EHMT1: variants seen among roughly 807,000 people sequenced by gnomAD.
EHMT1 encodes the protein euchromatic histone lysine methyltransferase 1.
EHMT1 carries 15 observed loss-of-function variants against 147.2 expected under a neutral mutation model. The observed-to-expected ratio is 0.10, with a 90% CI of 0.07 to 0.16. The LOEUF (loss-of-function observed/expected upper bound fraction) is 0.16. EHMT1 is among the 10% of genes least tolerant of loss of function. The pLI, the probability that EHMT1 is intolerant of heterozygous loss-of-function variation, is 1.00. For synonymous variants in EHMT1, 795 were observed against 709.6 expected (o/e 1.12, Z -1.91); for missense variants, 1,587 against 1,772.4 (o/e 0.90, Z 1.88).
intron 1 of EHMT1, among the ~76,000 whole-genome samples, chr9:137,622,822 G>A (rs755274357): frequency 2.0e-5 from 3 of 151,092 alleles, no homozygotes; most frequent in African/African-American, 4.9e-5. Context: ...TGGGAGGATC[G>A]CTTGATCCCA....
intron 1 of EHMT1, among the ~76,000 whole-genome samples, chr9:137,649,044 G>A (rs534490315): frequency 2.0e-5 from 3 of 152,342 alleles, no homozygotes; most frequent in African/African-American, 7.2e-5. Context: ...CATCACTGGG[G>A]AAACTGGGCA....
chr9:137,645,031 C>T (rs1484907519), intron 1 of EHMT1, among the ~76,000 whole-genome samples: 2 of 152,080 alleles, frequency 1.3e-5, no homozygotes, highest in African/African-American at 2.4e-5. Flanking sequence ...TGTCACCACG[C>T]CCGGCTAATT....
At position 137,732,730 on chromosome 9, in the gene EHMT1, G is replaced by A. The variant is rs892417044; in HGVS notation, c.823+4201G>A. The stretch of plus-strand genomic sequence containing the variant: ...GGCTTGAAGGTCAGGTTTCACCGGG[G>A]ACCTGCTCCTATCTGCCTAGGAATT... On this transcript the variant is annotated intron_variant, in intron 4 of 26. Coordinates refer to ENST00000460843, the MANE Select transcript of EHMT1 (RefSeq NM_024757.5). The surrounding 1 kb of genome is among the most constrained non-coding windows in gnomAD (Gnocchi z 4.6). 1.3e-5 allele frequency among the ~76,000 whole-genome samples: 2 copies of A among 152,114 alleles called. No homozygotes were observed. Among genetic ancestry groups the A allele is most frequent in the Non-Finnish European group, 2.9e-5 (2 of 67,992 alleles).
chr9:137,802,966 G>C lies in EHMT1; in HGVS notation c.2712+1982G>C, dbSNP rs556013814. Reference sequence around the variant, plus strand: ...CTGTGGCGGGTACCTTGGAGGAAGAGAGGAGGGAAGCAAAGGCAGAGAACA... The same window carrying C: ...CTGTGGCGGGTACCTTGGAGGAAGACAGGAGGGAAGCAAAGGCAGAGAACA... On this transcript the variant is annotated intron_variant, in intron 18 of 26. Transcript: ENST00000460843. The C allele has an allele frequency of 1.4e-3, 1,723 of 1,232,466 alleles. 1 individual carries two copies. Among genetic ancestry groups the C allele is most frequent in the South Asian group, 2.0e-3 (48 of 24,324 alleles). 76.3% of individuals were successfully genotyped at this position (1,232,466 alleles called of 1,614,324 possible).
intron 18 of EHMT1, among the ~76,000 whole-genome samples, chr9:137,805,996 C>T (rs12336349): frequency 0.14 from 21,211 of 149,400 alleles, 4,942 homozygotes; most frequent in African/African-American, 0.49. Flanking sequence ...ACAGTCTCAC[C>T]CTGTCACCCA....
At chr9:137,662,721 G>A (rs1171446700) in intron 1 of EHMT1, among the ~76,000 whole-genome samples, 1 of 152,062 alleles carries the variant, frequency 6.6e-6, no homozygotes, top group South Asian at 2.1e-4. Flanking sequence ...GGCTGGTCTC[G>A]AACTCCTGAT....
At chr9:137,677,598 TC>T (rs1941490142) in intron 1 of EHMT1, among the ~76,000 whole-genome samples, 1 of 152,002 alleles carries the variant, frequency 6.6e-6, no homozygotes, top group Non-Finnish European at 1.5e-5. Flanking sequence ...GCTAAGTTTT[TC>T]TATTTTTAGT....
chr9:137,678,217 A>G (rs539232405), intron 1 of EHMT1, among the ~76,000 whole-genome samples: 3 of 152,076 alleles, frequency 2.0e-5, no homozygotes, highest in Admixed American at 2.0e-4. Context: ...ATTAGGGGCC[A>G]TTTTTGTTTC....
chr9:137,686,791 C>T (rs1181157415), intron 1 of EHMT1, among the ~76,000 whole-genome samples: 4 of 143,826 alleles, frequency 2.8e-5, no homozygotes, highest in South Asian at 2.2e-4. Context: ...AGTGCAGTGG[C>T]GTGATCTCGG....
At chr9:137,639,655 A>G (rs1844339646) in intron 1 of EHMT1, among the ~76,000 whole-genome samples, 1 of 152,128 alleles carries the variant, frequency 6.6e-6, no homozygotes, top group African/African-American at 2.4e-5. Flanking sequence ...ATTTTTGCAT[A>G]CTATATCTTT....
chr9:137,743,678 T>C (rs1180203371), intron 5 of EHMT1, 150 bp downstream of exon 5: 4 of 1,289,006 alleles, frequency 3.1e-6, no homozygotes, highest in Non-Finnish European at 4.4e-6. Flanking sequence ...AGTGTTCGTG[T>C]CCAAGATCAT....
chr9:137,686,659 G>A lies in EHMT1; in HGVS notation c.22-24308G>A, dbSNP rs149413432. Among the ~76,000 whole-genome samples, 551 of 151,770 alleles carry A rather than the reference G, an allele frequency of 3.6e-3. 3 individuals are homozygous for A. The highest frequency in any genetic ancestry group is 0.011 in the African/African-American group (473 of 41,344). ...GCCTCCAAGAGTGCTGGGATTAGAGGTGTGAGCCACTGTGCCCAGCTGAGT... is the reference window on the plus strand; with the variant it reads ...GCCTCCAAGAGTGCTGGGATTAGAGATGTGAGCCACTGTGCCCAGCTGAGT... On this transcript the variant is annotated intron_variant, in intron 1 of 26. Transcript: ENST00000460843.
intron 1 of EHMT1, among the ~76,000 whole-genome samples, chr9:137,681,631 G>C (rs1195710172): frequency 6.6e-6 from 1 of 152,004 alleles, no homozygotes; most frequent in Admixed American, 6.6e-5. Flanking sequence ...GGCTTCCCTT[G>C]TCCCCAGGAA....
At chr9:137,638,241 G>A (rs1844225010) in intron 1 of EHMT1, 1 of 152,070 alleles carries the variant, frequency 6.6e-6, no homozygotes. Context: ...CTCCTGAATA[G>A]TTGGGAATAT....
At chr9:137,671,242 T>C (rs950126487) in intron 1 of EHMT1, among the ~76,000 whole-genome samples, 12 of 152,188 alleles carry the variant, frequency 7.9e-5, no homozygotes, top group African/African-American at 1.9e-4. Flanking sequence ...GAAGGAAATA[T>C]ACAAAAAGTT....
At chr9:137,771,443 C>A (rs1950576760) in intron 10 of EHMT1, among the ~76,000 whole-genome samples, 1 of 152,132 alleles carries the variant, frequency 6.6e-6, no homozygotes, top group South Asian at 2.1e-4. Flanking sequence ...TCAGGTGATC[C>A]TCCCACCTCG....
rs1940228880 is a variant in EHMT1 at position 137,669,468 on chromosome 9, A to G, written c.22-41499A>G. Among the ~76,000 whole-genome samples, 5 of 125,074 alleles carry G rather than the reference A, an allele frequency of 4.0e-5. No homozygotes were observed. In the South Asian group the frequency reaches 7.8e-4, roughly 20 times the overall value. 82.1% of individuals were successfully genotyped at this position (125,074 alleles called of 152,430 possible). A position where few individuals can be genotyped will look rare whatever the true frequency, so the allele number is the denominator to read the frequency against. On this transcript the variant is annotated intron_variant, in intron 1 of 26. Transcript: ENST00000460843. ...GCACGTGCACTCACCTCCACCCAAG[A>G]CGCCCCCCACAGCACGTGCACTGGA...
At position 137,619,023 on chromosome 9, in the gene EHMT1, C is replaced by G; in HGVS notation, c.-6C>G. ...GAGGGGCGGGGCCACGCTGCGGGCCCGGGCCATGGCCGCCGCCGATGCCGA... is the reference window on the plus strand; with the variant it reads ...GAGGGGCGGGGCCACGCTGCGGGCCGGGGCCATGGCCGCCGCCGATGCCGA... On this transcript the variant is annotated 5_prime_UTR_variant, in exon 1 of 27. Transcript: ENST00000460843. The G allele has an allele frequency of 4.1e-6, 4 of 971,770 alleles. No individual in the cohort carries two copies. Among genetic ancestry groups the G allele is most frequent in the Non-Finnish European group, 3.7e-6 (3 of 819,296 alleles). The allele number at this position is 971,770 out of a possible 1,614,324, so 60.2% of individuals were successfully genotyped here.
chr9:137,835,001 G>A lies in EHMT1; in HGVS notation c.*48G>A, dbSNP rs1327085628. On this transcript the variant is annotated 3_prime_UTR_variant, in exon 27 of 27. Transcript: ENST00000460843. ...CTCGGGAGCCAGGGACCGCCGCGTC[G>A]CCGATTAGAGGACGAGGAGGAGAGA... 7.3e-7 allele frequency: 1 copy of A among 1,364,530 alleles called. No homozygotes were observed. The highest frequency in any genetic ancestry group is 9.4e-7 in the Non-Finnish European group (1 of 1,065,782). 84.5% of individuals were successfully genotyped at this position (1,364,530 alleles called of 1,614,324 possible).
Sources: gnomAD v4.1 joint callset for allele counts (sites outside exome capture counted in the v4.1 genomes callset) on GRCh38, gnomAD v4.1.1 for gene constraint, Gnocchi (gnomAD v3.1) non-coding constraint, MANE v1.5 for transcripts, NCBI Gene and HGNC (gene_info 2026-07-23, HGNC 2026-07-21) for gene names.